MAP3K1: variants seen among roughly 807,000 people sequenced by gnomAD.
The protein encoded by MAP3K1 is MAP/ERK kinase kinase 1.
MAP3K1 carries 36 observed loss-of-function variants against 144.2 expected under a neutral mutation model. The observed-to-expected ratio is 0.25, with a 90% CI of 0.19 to 0.33. The LOEUF (loss-of-function observed/expected upper bound fraction) is 0.33, where lower values mean the gene tolerates loss of function less well. Ranked by LOEUF, MAP3K1 falls within the 10% of genes least tolerant of loss-of-function variation. The pLI is 1.00. For missense variants in MAP3K1, 1,650 were observed against 1,881.9 expected (o/e 0.88, Z 2.28); for synonymous variants, 718 against 688.7 (o/e 1.04, Z -0.67).
intron 1 of MAP3K1, among the ~76,000 whole-genome samples, chr5:56,840,281 G>A (rs1003356057): frequency 7.2e-5 from 11 of 152,054 alleles, no homozygotes; most frequent in African/African-American, 2.2e-4. Flanking sequence ...CCAGTTAGCC[G>A]GGATTACAGG....
At chr5:56,824,445 C>T (rs1202389421) in intron 1 of MAP3K1, among the ~76,000 whole-genome samples, 2 of 152,178 alleles carry the variant, frequency 1.3e-5, no homozygotes, top group Non-Finnish European at 2.9e-5. Flanking sequence ...GAAGGGGTGG[C>T]GGTGTGAGTC....
chr5:56,819,169 G>A (rs917403841), intron 1 of MAP3K1, among the ~76,000 whole-genome samples: 7 of 152,158 alleles, frequency 4.6e-5, no homozygotes, highest in African/African-American at 1.7e-4. Context: ...AGCTAGAATT[G>A]TTGCCAACTT....
At chr5:56,885,016 A>T (rs1748338002) in intron 16 of MAP3K1, among the ~76,000 whole-genome samples, 190 bp downstream of exon 16, 1 of 152,218 alleles carries the variant, frequency 6.6e-6, no homozygotes, top group Admixed American at 6.5e-5. Flanking sequence ...TGAAATATTG[A>T]CTACCTCTAC....
chr5:56,821,458 C>T (rs931274740), intron 1 of MAP3K1, among the ~76,000 whole-genome samples: 3 of 152,334 alleles, frequency 2.0e-5, no homozygotes, highest in African/African-American at 7.2e-5. Context: ...TAACTAAGTT[C>T]ATCACTTGTA....
chr5:56,844,434 C>G (rs941255864), intron 1 of MAP3K1, among the ~76,000 whole-genome samples: 52 of 152,176 alleles, frequency 3.4e-4, no homozygotes, highest in East Asian at 3.9e-4. Context: ...CCGCCTTGGC[C>G]TCCCAAAGTG....
In MAP3K1 at chr5:56,855,380, G is replaced by A. The variant is rs1015049468; in HGVS notation, c.483-1220G>A. Among the ~76,000 whole-genome samples, 5 of 152,104 alleles carry A rather than the reference G, an allele frequency of 3.3e-5. No individual in the cohort carries two copies. The East Asian group carries it at 5.8e-4, about 18-fold the overall frequency. On this transcript the variant is annotated intron_variant, in intron 1 of 19. Transcript: ENST00000399503. Reference sequence around the variant, plus strand: ...ATGTGTGTGTAAGGAAATATTTTACGCTGTGGTCTTAATGCCTATTTGCAA... The same window carrying A: ...ATGTGTGTGTAAGGAAATATTTTACACTGTGGTCTTAATGCCTATTTGCAA...
intron 17 of MAP3K1, 44 bp from the exon 18 acceptor site, chr5:56,887,329 CTTATT>C (rs1332653403): frequency 1.2e-6 from 2 of 1,602,490 alleles, no homozygotes. Context: ...TTTATCTGTC[CTTATT>C]TTTGTTTTTA....
At position 56,888,165 on chromosome 5, in the gene MAP3K1, C is replaced by CA; in HGVS notation, c.4258-57dup. 5 of 1,503,462 alleles carry CA rather than the reference C, an allele frequency of 3.3e-6. No individual in the cohort carries two copies. The South Asian group carries it at 5.6e-5, about 17-fold the overall frequency. The allele number at this position is 1,503,462 out of a possible 1,614,324, so 93.1% of individuals were successfully genotyped here. ...AGTAAGGAAGTAGAATCTATAACTACAAAATGGCCTTCTCTTTTTCAAATG... is the reference window on the plus strand; with the variant it reads ...AGTAAGGAAGTAGAATCTATAACTACAAAAATGGCCTTCTCTTTTTCAAATG... On this transcript the variant is annotated intron_variant, in intron 18 of 19. Coordinates refer to ENST00000399503, the MANE Select transcript of MAP3K1 (RefSeq NM_005921.2).
At position 56,864,889 on chromosome 5, in the gene MAP3K1, AG is replaced by A. The variant is rs1381983479; in HGVS notation, c.992del (p.Gly331GlufsTer31). ...TAGGGCCTAACTCTTTCCTGATTGG[AG>A]GAGACAGCCCAGACAATAAATACCG... ...QIGPNSFLIG[G>X]DSPDNKYRVF... On this transcript the variant is annotated frameshift_variant, in exon 4 of 20. Transcript: ENST00000399503. LOFTEE classifies it high-confidence loss of function. 6.2e-7 allele frequency: 1 copy of A among 1,614,032 alleles called. No individual in the cohort carries two copies.
intron 1 of MAP3K1, among the ~76,000 whole-genome samples, chr5:56,833,658 C>T (rs575410568): frequency 3.9e-5 from 6 of 152,174 alleles, no homozygotes; most frequent in African/African-American, 1.2e-4. Context: ...TTGGCGGGGG[C>T]GGGGAAAGCT....
At chr5:56,870,840 A>G (rs1747829653) in intron 6 of MAP3K1, among the ~76,000 whole-genome samples, 1 of 152,208 alleles carries the variant, frequency 6.6e-6, no homozygotes, top group Non-Finnish European at 1.5e-5. Context: ...ATGTAGCGAT[A>G]ACATCCTAGA....
At chr5:56,880,399 G>A (rs1035774038) in intron 11 of MAP3K1, among the ~76,000 whole-genome samples, 1 of 152,046 alleles carries the variant, frequency 6.6e-6, no homozygotes, top group African/African-American at 2.4e-5. Flanking sequence ...AAAATATCAA[G>A]GTCCTTGTTT....
intron 7 of MAP3K1, 34 bp from the exon 8 acceptor site, chr5:56,872,607 A>T: frequency 8.1e-7 from 1 of 1,230,460 alleles, no homozygotes; most frequent in Non-Finnish European, 1.2e-6. Context: ...AAACATTTAC[A>T]TTTTTGTAAG....
intron 1 of MAP3K1, among the ~76,000 whole-genome samples, chr5:56,823,504 C>A (rs1257520572): frequency 6.6e-6 from 1 of 152,190 alleles, no homozygotes; most frequent in African/African-American, 2.4e-5. Flanking sequence ...TGACTGCCTT[C>A]CCCCTAGCAC....
At chr5:56,865,164 G>T (rs1309120668) in intron 4 of MAP3K1, among the ~76,000 whole-genome samples, 176 bp from the exon 5 acceptor site, 1 of 152,062 alleles carries the variant, frequency 6.6e-6, no homozygotes, top group Non-Finnish European at 1.5e-5. Flanking sequence ...CAGTGAAAAT[G>T]AAAGATTAAA....
intron 6 of MAP3K1, among the ~76,000 whole-genome samples, chr5:56,870,084 G>T (rs764463695): frequency 3.9e-5 from 6 of 152,100 alleles, no homozygotes; most frequent in Non-Finnish European, 5.9e-5. Context: ...GGGAAAAGTA[G>T]TTACTGTTTT....
chr5:56,823,422 C>T (rs916346572), intron 1 of MAP3K1, among the ~76,000 whole-genome samples: 5 of 152,232 alleles, frequency 3.3e-5, no homozygotes, highest in African/African-American at 1.2e-4. Context: ...CTCATCCACC[C>T]AGACTGGCTT....
rs5868032 is a variant in MAP3K1, at chr5:56,882,021, TCAACAA to T, written c.2842_2847del (p.Thr948_Thr949del). ...CAGCATTTCAGTAGGACCTTCTAGT[TCAACAA>T]CAACAACAACAACAACAACAGAGCA... On this transcript the variant is annotated inframe_deletion, in exon 14 of 20. Coordinates refer to ENST00000399503, the MANE Select transcript of MAP3K1 (RefSeq NM_005921.2). 408 of 1,493,888 alleles carry T rather than the reference TCAACAA, an allele frequency of 2.7e-4. No individual in the cohort carries two copies. Among genetic ancestry groups the T allele is most frequent in the East Asian group, 1.6e-3 (70 of 43,504 alleles). The allele number at this position is 1,493,888 out of a possible 1,614,324, so 92.5% of individuals were successfully genotyped here.
intron 11 of MAP3K1, among the ~76,000 whole-genome samples, chr5:56,879,541 TTACTC>T (rs928488522): frequency 1.9e-4 from 28 of 148,966 alleles, no homozygotes; most frequent in African/African-American, 6.8e-4. Flanking sequence ...TAGTGGAATT[TTACTC>T]TACTTATGAC....
Sources: allele counts gnomAD v4.1 joint callset (sites outside exome capture counted in the v4.1 genomes callset), GRCh38; gene constraint gnomAD v4.1.1; transcripts MANE v1.5; gene names NCBI Gene and HGNC (gene_info 2026-07-23, HGNC 2026-07-21).